The following MALRD1 variants were observed in gnomAD, a reference collection of about 807,000 sequenced individuals.
MALRD1 encodes MAM and LDL receptor class A domain containing 1, also known as MAM and LDL-receptor class A domain-containing protein 1.
MALRD1 carries 247 observed loss-of-function variants against 242.1 expected under a neutral mutation model. The ratio of observed to expected loss-of-function variants is 1.02; its 90% CI spans 0.92 to 1.13. MALRD1 has a LOEUF of 1.13. Ranked by LOEUF, MALRD1 falls within the 50% of genes most tolerant of loss-of-function variation. The pLI is 0.00. For synonymous variants in MALRD1, 995 were observed against 866.6 expected (o/e 1.15, Z -2.60); for missense variants, 2,989 against 2,533.1 (o/e 1.18, Z -3.86).
chr10:19,137,006 C>T (rs1311220347), intron 10 of MALRD1, among the ~76,000 whole-genome samples: 1 of 152,166 alleles, frequency 6.6e-6, no homozygotes, highest in African/African-American at 2.4e-5. Context: ...TCAATTTATT[C>T]TACAAATGAA....
intron 14 of MALRD1, among the ~76,000 whole-genome samples, chr10:19,176,385 T>TTTTTTTTTTTTTTTTTTTTTTTTTTGTG (rs1835242104): frequency 7.7e-6 from 1 of 130,470 alleles, no homozygotes; most frequent in African/African-American, 2.8e-5. Context: ...TTTTTTTTTT[T>TTTTTTTTTTTTTTTTTTTTTTTTTTGTG]GAGACGGAGT....
intron 38 of MALRD1, among the ~76,000 whole-genome samples, chr10:19,702,096 A>G (rs1833655745): frequency 6.6e-6 from 1 of 152,126 alleles, no homozygotes; most frequent in African/African-American, 2.4e-5. Flanking sequence ...ATTTCGTGCT[A>G]TTATATTTAA....
rs1422893102 is a variant in MALRD1, at chr10:19,531,273, C to T, written c.5400C>T (p.Ser1800=). The T allele has an allele frequency of 1.5e-5, 23 of 1,550,386 alleles. No individual in the cohort carries two copies. Among genetic ancestry groups the T allele is most frequent in the Non-Finnish European group, 2.0e-5 (23 of 1,146,856 alleles). ...GSVARITTSK[S]FPASLGMCTV... is the part of the protein sequence containing the mutation. ...TTGCCAGAATTACTACTTCCAAATC[C>T]TTCCCAGCAAGCCTTGGAATGTGTA... Residue 1800 remains serine (S), a synonymous_variant, in exon 32 of 40, where the codon TCC becomes TCT. Transcript: ENST00000454679.
intron 21 of MALRD1, among the ~76,000 whole-genome samples, chr10:19,293,737 A>C (rs1213020530): frequency 6.6e-6 from 1 of 152,094 alleles, no homozygotes; most frequent in East Asian, 1.9e-4. Flanking sequence ...GGGAACAACA[A>C]ACACTGTGAC....
intron 28 of MALRD1, among the ~76,000 whole-genome samples, chr10:19,438,968 G>A (rs183361274): frequency 2.0e-5 from 3 of 152,086 alleles, no homozygotes; most frequent in Admixed American, 6.6e-5. Context: ...TCTTGAATCC[G>A]CTGGCTGTTT....
At chr10:19,316,985 G>T (rs888925609) in intron 21 of MALRD1, among the ~76,000 whole-genome samples, 3 of 151,274 alleles carry the variant, frequency 2.0e-5, no homozygotes, top group African/African-American at 4.9e-5. Flanking sequence ...TGATGTAATT[G>T]TTACGCATGC....
intron 2 of MALRD1, among the ~76,000 whole-genome samples, chr10:19,078,120 T>A (rs1438175214): frequency 6.6e-6 from 1 of 151,718 alleles, no homozygotes; most frequent in African/African-American, 2.4e-5. Flanking sequence ...TAAATTTTTT[T>A]TATTTTTTTT....
intron 18 of MALRD1, among the ~76,000 whole-genome samples, chr10:19,232,107 A>C (rs752022272): frequency 6.6e-6 from 1 of 152,024 alleles, no homozygotes; most frequent in Non-Finnish European, 1.5e-5. Context: ...GCATTTTACT[A>C]TCAGTCTAAA....
intron 36 of MALRD1, among the ~76,000 whole-genome samples, chr10:19,684,709 G>T (rs914358120): frequency 1.1e-4 from 16 of 152,156 alleles, no homozygotes; most frequent in Admixed American, 1.3e-4. Context: ...CCAAGATTGT[G>T]CCATTGCACT....
intron 17 of MALRD1, among the ~76,000 whole-genome samples, chr10:19,205,567 G>A (rs1170439521): frequency 6.6e-6 from 1 of 151,900 alleles, no homozygotes; most frequent in Non-Finnish European, 1.5e-5. Context: ...AAAATGAAAT[G>A]GTAGCTTTGA....
At chr10:19,347,628 C>A (rs964681610) in intron 24 of MALRD1, 143 bp from the exon 25 acceptor site, 1 of 969,288 alleles carries the variant, frequency 1.0e-6, no homozygotes, top group Non-Finnish European at 1.5e-6. Context: ...CCAAAATAGT[C>A]TCTTTATATG....
chr10:19,626,192 G>T (rs1446488574), intron 36 of MALRD1, among the ~76,000 whole-genome samples: 1 of 151,780 alleles, frequency 6.6e-6, no homozygotes, highest in Non-Finnish European at 1.5e-5. Context: ...TACGTTGGTG[G>T]ACATAGGAGA....
rs74556850 is a variant in MALRD1 at position 19,604,742 on chromosome 10, A to T, written c.5945-3035A>T. Reference sequence around the variant, plus strand: ...AATGCCTGGCTTAACTAAAAACTAAATATTTTCTAGTTATTATTTTTTTAG... The same window carrying T: ...AATGCCTGGCTTAACTAAAAACTAATTATTTTCTAGTTATTATTTTTTTAG... On this transcript the variant is annotated intron_variant, in intron 34 of 39. Coordinates refer to ENST00000454679, the MANE Select transcript of MALRD1 (RefSeq NM_001142308.3). Among the ~76,000 whole-genome samples the T allele has an allele frequency of 1.4e-4, 22 of 152,274 alleles. No individual in the cohort carries two copies. In the East Asian group the frequency reaches 3.7e-3, roughly 25 times the overall value.
At chr10:19,644,551 C>A (rs1323973253) in intron 36 of MALRD1, among the ~76,000 whole-genome samples, 1 of 6,830 alleles carries the variant, frequency 1.5e-4, no homozygotes, top group African/African-American at 6.1e-4. Context: ...GCATCTGATT[C>A]TAAGCCATGA....
intron 28 of MALRD1, among the ~76,000 whole-genome samples, chr10:19,442,319 C>A (rs1834711446): frequency 1.3e-5 from 2 of 152,080 alleles, no homozygotes; most frequent in African/African-American, 4.8e-5. Flanking sequence ...ATTGAATACC[C>A]TTTATTTCTT....
At chr10:19,099,530 A>G (rs1836171912) in intron 4 of MALRD1, among the ~76,000 whole-genome samples, 1 of 152,092 alleles carries the variant, frequency 6.6e-6, no homozygotes, top group African/African-American at 2.4e-5. Flanking sequence ...CTTCTGTGGT[A>G]TAGGAACTCC....
upstream of MALRD1, among the ~76,000 whole-genome samples, chr10:19,048,197 T>C (rs998042570): frequency 1.3e-5 from 2 of 152,206 alleles, no homozygotes; most frequent in African/African-American, 4.8e-5. Context: ...TGAGCTCTAA[T>C]TTCTTATACC....
At position 19,612,483 on chromosome 10, in the gene MALRD1, C is replaced by G. The variant is rs1416821370; in HGVS notation, c.6071-3374C>G. ...CTCAAGGTATATTTCAGTTTTGATCCTATACTGCAACTTCCCTCCTTCCTT... is the reference window on the plus strand; with the variant it reads ...CTCAAGGTATATTTCAGTTTTGATCGTATACTGCAACTTCCCTCCTTCCTT... On this transcript the variant is annotated intron_variant, in intron 35 of 39. Coordinates refer to ENST00000454679, the MANE Select transcript of MALRD1 (RefSeq NM_001142308.3). Among the ~76,000 whole-genome samples, 6 of 152,042 alleles carry G rather than the reference C, an allele frequency of 3.9e-5. No individual in the cohort carries two copies. The South Asian group carries it at 1.2e-3, about 32-fold the overall frequency.
At chr10:19,602,787 G>C (rs567748095) in intron 34 of MALRD1, among the ~76,000 whole-genome samples, 176 of 152,206 alleles carry the variant, frequency 1.2e-3, no homozygotes, top group African/African-American at 4.0e-3. Context: ...TTCCACAATG[G>C]TTGAACTAGT....
Sources: allele counts gnomAD v4.1 joint callset (sites outside exome capture counted in the v4.1 genomes callset), GRCh38; gene constraint gnomAD v4.1.1; transcripts MANE v1.5; gene names NCBI Gene and HGNC (gene_info 2026-07-23, HGNC 2026-07-21).